The following ROBO2 variants were observed in gnomAD, a reference collection of about 807,000 sequenced individuals.
ROBO2 encodes the protein roundabout homolog 2.
A neutral mutation model predicts 160.8 loss-of-function variants in ROBO2; 53 were observed. The observed-to-expected ratio is 0.33, with a 90% CI of 0.26 to 0.41. ROBO2 has a LOEUF of 0.41. Ranked by LOEUF, ROBO2 falls within the 10% of genes least tolerant of loss-of-function variation. The pLI is 1.00. For missense variants in ROBO2, 1,577 were observed against 1,722.4 expected (o/e 0.92, Z 1.49); for synonymous variants, 664 against 611.7 (o/e 1.09, Z -1.26).
At chr3:77,201,706 T>G (rs1348798702) in intron 2 of ROBO2, among the ~76,000 whole-genome samples, 1 of 152,192 alleles carries the variant, frequency 6.6e-6, no homozygotes, top group African/African-American at 2.4e-5. Flanking sequence ...GAACTGAACT[T>G]GTGCATATTC....
chr3:77,326,393 C>A (rs534453210), intron 2 of ROBO2, among the ~76,000 whole-genome samples: 4 of 152,148 alleles, frequency 2.6e-5, no homozygotes, highest in Non-Finnish European at 5.9e-5. Context: ...CTCTGTTGAT[C>A]AAATCACTTA....
intron 2 of ROBO2, among the ~76,000 whole-genome samples, chr3:76,750,881 T>A (rs1170905972): frequency 1.3e-5 from 2 of 152,112 alleles, no homozygotes; most frequent in Admixed American, 1.3e-4. Context: ...AAAGGTAATT[T>A]ATAGATTCAA....
intron 2 of ROBO2, among the ~76,000 whole-genome samples, chr3:77,458,977 G>A (rs1422377975): frequency 6.6e-6 from 1 of 152,076 alleles, no homozygotes; most frequent in Admixed American, 6.6e-5. Flanking sequence ...CCACCTCACA[G>A]GGTCATTGTG....
At chr3:77,506,817 A>T (rs1296572773) in intron 5 of ROBO2, among the ~76,000 whole-genome samples, 1 of 152,168 alleles carries the variant, frequency 6.6e-6, no homozygotes, top group Non-Finnish European at 1.5e-5. Flanking sequence ...AATAGAATAT[A>T]ATTCACTGAA....
chr3:76,072,059 A>T (rs969825357), intron 2 of ROBO2, among the ~76,000 whole-genome samples: 1 of 152,132 alleles, frequency 6.6e-6, no homozygotes, highest in African/African-American at 2.4e-5. Context: ...TTTAGGACAT[A>T]AAAAAATGAT....
At chr3:76,965,921 CTT>C (rs1168083048) in intron 2 of ROBO2, among the ~76,000 whole-genome samples, 40 of 114,074 alleles carry the variant, frequency 3.5e-4, no homozygotes, top group Admixed American at 2.1e-3. Context: ...GGCATATTTT[CTT>C]TTTTTTTTTT....
intron 1 of ROBO2, among the ~76,000 whole-genome samples, chr3:77,067,807 C>T (rs78821288): frequency 0.012 from 1,831 of 152,166 alleles, 38 homozygotes; most frequent in African/African-American, 0.041. Context: ...CAGAGGAATG[C>T]GCCCTATATG....
At chr3:76,181,871 A>T (rs1376769617) in intron 2 of ROBO2, among the ~76,000 whole-genome samples, 1 of 152,170 alleles carries the variant, frequency 6.6e-6, no homozygotes, top group Admixed American at 6.6e-5. Context: ...TCTGCATGCC[A>T]CATTTTTATT....
intron 2 of ROBO2, among the ~76,000 whole-genome samples, chr3:76,196,075 C>G (rs1035316133): frequency 6.6e-6 from 1 of 152,164 alleles, no homozygotes; most frequent in African/African-American, 2.4e-5. Context: ...CTGGGTACAT[C>G]AGTGCCTTTT....
At chr3:77,372,259 T>C (rs2071874453) in intron 2 of ROBO2, among the ~76,000 whole-genome samples, 1 of 152,120 alleles carries the variant, frequency 6.6e-6, no homozygotes, top group Non-Finnish European at 1.5e-5. Flanking sequence ...GGTTTAGGCA[T>C]AGTCAATTCT....
At chr3:76,230,267 T>C (rs1704542073) in intron 2 of ROBO2, among the ~76,000 whole-genome samples, 1 of 152,106 alleles carries the variant, frequency 6.6e-6, no homozygotes, top group African/African-American at 2.4e-5. Flanking sequence ...AGCCCATAGC[T>C]TCAAAGGCTC....
intron 2 of ROBO2, among the ~76,000 whole-genome samples, chr3:76,932,545 T>G (rs9847618): frequency 0.27 from 40,581 of 151,874 alleles, 5,736 homozygotes; most frequent in African/African-American, 0.34. Flanking sequence ...TCTTTTGGAC[T>G]CCAAAGCCTA....
At chr3:77,549,692 C>T (rs2092840556) in intron 7 of ROBO2, among the ~76,000 whole-genome samples, 1 of 151,940 alleles carries the variant, frequency 6.6e-6, no homozygotes, top group Admixed American at 6.6e-5. Flanking sequence ...GGATTAAAGT[C>T]ATTGAGCATA....
chr3:76,228,728 T>C (rs1019043359), intron 2 of ROBO2, among the ~76,000 whole-genome samples: 2 of 152,204 alleles, frequency 1.3e-5, no homozygotes, highest in Non-Finnish European at 2.9e-5. Context: ...GTTTACTGAC[T>C]GCCATGAAAC....
chr3:76,366,752 A>G (rs2075831451), intron 2 of ROBO2, among the ~76,000 whole-genome samples: 1 of 152,032 alleles, frequency 6.6e-6, no homozygotes, highest in African/African-American at 2.4e-5. Flanking sequence ...TATTCTATGT[A>G]TGATCACTTA....
chr3:76,048,697 A>G (rs1479932676), intron 2 of ROBO2, among the ~76,000 whole-genome samples: 4 of 152,172 alleles, frequency 2.6e-5, no homozygotes, highest in Non-Finnish European at 1.5e-5. Flanking sequence ...TTTGACCCCT[A>G]AAAAGCTAGC....
chr3:76,040,712 G>T (rs908706623), intron 2 of ROBO2, among the ~76,000 whole-genome samples: 3 of 152,072 alleles, frequency 2.0e-5, no homozygotes, highest in African/African-American at 7.3e-5. Flanking sequence ...TCTCTGCTGG[G>T]CATGGGGGCT....
chr3:76,560,933 GATATATATATAT>G (rs10581875), intron 2 of ROBO2, among the ~76,000 whole-genome samples: 45,846 of 128,028 alleles, frequency 0.36, 8,774 homozygotes, highest in Admixed American at 0.44. Flanking sequence ...TAAGAAGTAA[GATATATATATAT>G]ATATATATAT....
chr3:77,315,562 A>G lies in ROBO2; in HGVS notation c.389-161852A>G, dbSNP rs114169752. On this transcript the variant is annotated intron_variant, in intron 2 of 25. Transcript: ENST00000461745. Reference sequence around the variant, plus strand: ...CATATCCTCTAATCCTTTCACTCACATTTTTTAAAACTGGGCTGTTATCAG... The same window carrying G: ...CATATCCTCTAATCCTTTCACTCACGTTTTTTAAAACTGGGCTGTTATCAG... 7.1e-3 allele frequency among the ~76,000 whole-genome samples: 1,089 copies of G among 152,328 alleles called. 17 individuals are homozygous for G. Among genetic ancestry groups the G allele is most frequent in the African/African-American group, 0.025 (1,040 of 41,578 alleles).
Sources: allele counts gnomAD v4.1 joint callset (sites outside exome capture counted in the v4.1 genomes callset), GRCh38; gene constraint gnomAD v4.1.1; transcripts MANE v1.5; gene names NCBI Gene and HGNC (gene_info 2026-07-23, HGNC 2026-07-21).